Variants in MORC3 observed in about 807,000 individuals in gnomAD.
MORC3 encodes the protein MORC family CW-type zinc finger protein 3.
Under a neutral mutation model 109.1 loss-of-function variants are expected in MORC3, and 31 were observed. That is an observed-to-expected ratio of 0.28 (90% confidence interval 0.21 to 0.38). The LOEUF (loss-of-function observed/expected upper bound fraction) is 0.38. MORC3 is among the 10% of genes least tolerant of loss of function. The pLI, the probability that MORC3 is intolerant of heterozygous loss-of-function variation, is 1.00. For missense variants in MORC3, 867 were observed against 1,135.8 expected (o/e 0.76, Z 3.40); for synonymous variants, 395 against 380.7 (o/e 1.04, Z -0.44).
At chr21:36,326,513 C>T (rs1203003031) in intron 1 of MORC3, among the ~76,000 whole-genome samples, 1 of 152,118 alleles carries the variant, frequency 6.6e-6, no homozygotes, top group Non-Finnish European at 1.5e-5. Context: ...AGCAAGACTC[C>T]ATCTCTATAT....
intron 5 of MORC3, among the ~76,000 whole-genome samples, chr21:36,340,976 T>G (rs2085439235): frequency 6.6e-6 from 1 of 152,216 alleles, no homozygotes; most frequent in Non-Finnish European, 1.5e-5. Context: ...TTTCATTGTA[T>G]GTATGGAACC....
At chr21:36,370,815 C>T (rs1323729948) in intron 15 of MORC3, among the ~76,000 whole-genome samples, 2 of 151,516 alleles carry the variant, frequency 1.3e-5, no homozygotes, top group African/African-American at 2.4e-5. Context: ...GATTACAGCA[C>T]ATGCCACCAT....
At position 36,354,221 on chromosome 21, in the gene MORC3, G is replaced by A. The variant is rs146008022; in HGVS notation, c.1104-2399G>A. 1.2e-4 allele frequency among the ~76,000 whole-genome samples: 18 copies of A among 152,174 alleles called. No individual in the cohort carries two copies. The East Asian group carries it at 3.3e-3, about 28-fold the overall frequency. ...AGGGGGATTGGTTTTGCCATGGCAC[G>A]AGAAGAGGTGGAAGGAGAGGCAGGC... On this transcript the variant is annotated intron_variant, in intron 9 of 16. Transcript: ENST00000400485.
intron 6 of MORC3, among the ~76,000 whole-genome samples, chr21:36,343,682 C>T (rs2085476661): frequency 6.9e-6 from 1 of 145,712 alleles, no homozygotes; most frequent in Non-Finnish European, 1.5e-5. Flanking sequence ...CTCCTGACCT[C>T]GTGATCCGCC....
At chr21:36,344,499 G>A (rs2085486403) in intron 6 of MORC3, 80 bp from the exon 7 acceptor site, 2 of 1,445,678 alleles carry the variant, frequency 1.4e-6, no homozygotes, top group Admixed American at 2.1e-5. Context: ...AAGTTAATAG[G>A]AGAGCTTCTG....
chr21:36,320,432 G>A (rs2085177584), intron 1 of MORC3, 129 bp downstream of exon 1: 1 of 923,392 alleles, frequency 1.1e-6, no homozygotes, highest in Non-Finnish European at 1.4e-6. Context: ...CGGGGCCCGG[G>A]GAGGGGGCGG....
intron 9 of MORC3, among the ~76,000 whole-genome samples, chr21:36,351,776 G>A (rs2085575658): frequency 6.6e-6 from 1 of 152,214 alleles, no homozygotes; most frequent in Non-Finnish European, 1.5e-5. Context: ...ATAGGATGGA[G>A]TTTCCTCAAG....
intron 2 of MORC3, 115 bp from the exon 3 acceptor site, chr21:36,336,759 A>C (rs1480250383): frequency 9.7e-7 from 1 of 1,034,836 alleles, no homozygotes. Context: ...TAAAAATTGC[A>C]GCTTTTAAAG....
chr21:36,360,071 A>T lies in MORC3; in HGVS notation c.1325A>T (p.Gln442Leu). Reference sequence around the variant, plus strand: ...TATTGCTCCAATAACCCTGACCCACAGTTCAGGTACCATAGAGTTGGTAGT... The same window carrying T: ...TATTGCTCCAATAACCCTGACCCACTGTTCAGGTACCATAGAGTTGGTAGT... Reference protein sequence around the residue: ...KWYCSNNPDPQFRNCEVPEEP... With the variant: ...KWYCSNNPDPLFRNCEVPEEP... Residue 442 changes from glutamine (Q) to leucine (L), a missense_variant, in exon 11 of 17, where the codon CAG (glutamine) becomes CTG (leucine). Gln to Leu is a moderately radical substitution (Grantham distance 113, BLOSUM62 -2). This residue lies in a region of MORC3 where 120 missense variants were observed against 259.7 expected (regional missense o/e 0.46). Transcript: ENST00000400485. 6.2e-7 allele frequency: 1 copy of T among 1,614,194 alleles called. No individual in the cohort carries two copies. The highest frequency in any genetic ancestry group is 8.5e-7 in the Non-Finnish European group (1 of 1,180,030).
chr21:36,375,370 G>C lies in MORC3; in HGVS notation c.*74G>C, dbSNP rs2085918573. 7.4e-7 allele frequency: 1 copy of C among 1,359,300 alleles called. No homozygotes were observed. Among genetic ancestry groups the C allele is most frequent in the African/African-American group, 1.5e-5 (1 of 68,034 alleles). The allele number at this position is 1,359,300 out of a possible 1,614,324, so 84.2% of individuals were successfully genotyped here. A position where few individuals can be genotyped will look rare whatever the true frequency, so the allele number is the denominator to read the frequency against. ...CAGCTTTCAAAATATAATTAATTTT[G>C]TTTTATAGATATGATAGGCAACAGA... On this transcript the variant is annotated 3_prime_UTR_variant, in exon 17 of 17. Coordinates refer to ENST00000400485, the MANE Select transcript of MORC3 (RefSeq NM_015358.3).
chr21:36,347,505 C>T (rs2085522659), intron 8 of MORC3, among the ~76,000 whole-genome samples: 1 of 152,118 alleles, frequency 6.6e-6, no homozygotes, highest in South Asian at 2.1e-4. Flanking sequence ...TTTATCTTTA[C>T]CAGATGATGG....
At chr21:36,368,655 T>G (rs1218026919) in intron 14 of MORC3, among the ~76,000 whole-genome samples, 1 of 152,212 alleles carries the variant, frequency 6.6e-6, no homozygotes, top group African/African-American at 2.4e-5. Context: ...GCAGGCAGAT[T>G]GCTTGAGCTC....
intron 1 of MORC3, among the ~76,000 whole-genome samples, chr21:36,330,984 A>T (rs981678467): frequency 1.3e-5 from 2 of 152,210 alleles, no homozygotes; most frequent in Non-Finnish European, 2.9e-5. Context: ...CATATATACC[A>T]GTTTGAACAG....
At chr21:36,343,949 T>A (rs1271971636) in intron 6 of MORC3, among the ~76,000 whole-genome samples, 1 of 152,082 alleles carries the variant, frequency 6.6e-6, no homozygotes, top group Non-Finnish European at 1.5e-5. Flanking sequence ...TCCTAATGTG[T>A]TCCTAGTGTT....
At chr21:36,329,819 G>A (rs563948880) in intron 1 of MORC3, among the ~76,000 whole-genome samples, 14 of 152,044 alleles carry the variant, frequency 9.2e-5, no homozygotes, top group African/African-American at 2.4e-4. Flanking sequence ...TGTACATTGT[G>A]TAGAGAATCC....
intron 9 of MORC3, among the ~76,000 whole-genome samples, chr21:36,352,126 G>A (rs1281100856): frequency 1.3e-5 from 2 of 152,178 alleles, no homozygotes; most frequent in Non-Finnish European, 2.9e-5. Flanking sequence ...AATGAGTATA[G>A]TTCATCATAT....
intron 1 of MORC3, among the ~76,000 whole-genome samples, chr21:36,327,161 T>TC (rs1430570128): frequency 5.2e-5 from 2 of 38,160 alleles, no homozygotes; most frequent in Non-Finnish European, 1.3e-4. Flanking sequence ...ATTTCTTTTT[T>TC]TTTTTTTTTT....
rs967291785 is a variant in MORC3 at position 36,375,833 on chromosome 21, A to G, written c.*537A>G. On this transcript the variant is annotated 3_prime_UTR_variant, in exon 17 of 17. Transcript: ENST00000400485. ...CTTTTGTATAAATTCCTGTCCTGAA[A>G]TATTTTATTCATGAAAATAAGGTAA... 6.6e-6 allele frequency: 1 copy of G among 152,538 alleles called. No individual in the cohort carries two copies. The highest frequency in any genetic ancestry group is 1.5e-5 in the Non-Finnish European group (1 of 68,038). The allele number at this position is 152,538 out of a possible 1,614,324, so 9.4% of individuals were successfully genotyped here.
chr21:36,328,339 C>G (rs919577926), intron 1 of MORC3, among the ~76,000 whole-genome samples: 1 of 148,944 alleles, frequency 6.7e-6, no homozygotes, highest in African/African-American at 2.5e-5. Context: ...AGCCCCCCCC[C>G]GCCTTTTTTT....
Sources: gnomAD v4.1 joint callset for allele counts (sites outside exome capture counted in the v4.1 genomes callset) on GRCh38, gnomAD v4.1.1 for gene constraint, gnomAD v4.1.1 regional missense constraint, MANE v1.5 for transcripts, NCBI Gene and HGNC (gene_info 2026-07-23, HGNC 2026-07-21) for gene names.